The following UPK1A variants were observed in gnomAD, a reference collection of about 807,000 sequenced individuals.
UPK1A encodes uroplakin-1a.
UPK1A carries 31 observed loss-of-function variants against 32.3 expected under a neutral mutation model. The observed-to-expected ratio is 0.96, with a 90% CI of 0.72 to 1.30. UPK1A has a LOEUF of 1.30. Among genes scored for constraint, UPK1A ranks in the 50% most tolerant of loss-of-function variants. The pLI, the probability that UPK1A is intolerant of heterozygous loss-of-function variation, is 0.00. For synonymous variants in UPK1A, 135 were observed against 137.1 expected (o/e 0.98, Z 0.11); for missense variants, 340 against 357.4 (o/e 0.95, Z 0.39).
intron 2 of UPK1A, among the ~76,000 whole-genome samples, chr19:35,667,769 C>T (rs898372387): frequency 8.6e-5 from 13 of 151,842 alleles, no homozygotes; most frequent in Non-Finnish European, 7.4e-5. Context: ...GTTGGGATTA[C>T]AGGTGTAAGC....
intron 3 of UPK1A, 150 bp from the exon 4 acceptor site, chr19:35,673,082 A>C (rs1968126083): frequency 1.5e-6 from 1 of 654,870 alleles, no homozygotes; most frequent in Non-Finnish European, 2.7e-6. Context: ...CAATACAGCG[A>C]ACACCTGAAC....
exon 8 of UPK1A, chr19:35,678,069 C>T: frequency 3.3e-6 from 5 of 1,510,404 alleles, no homozygotes; most frequent in Non-Finnish European, 4.5e-6. Context: ...TCCGCATCCT[C>T]CTCCTGCTTC....
intron 5 of UPK1A, 23 bp downstream of exon 5, chr19:35,673,568 T>C: frequency 1.9e-6 from 3 of 1,608,958 alleles, no homozygotes; most frequent in Non-Finnish European, 2.5e-6. Flanking sequence ...GACCGGGTGC[T>C]GGGAGGGCCC....
exon 6 of UPK1A, chr19:35,675,962 C>A: frequency 6.2e-7 from 1 of 1,613,952 alleles, no homozygotes; most frequent in Non-Finnish European, 8.5e-7. Context: ...CGGGAAACTT[C>A]ATCCCCCTCA....
At position 35,673,214 on chromosome 19, in the gene UPK1A, C is replaced by G; in HGVS notation, c.286-18C>G. 2 of 1,613,730 alleles carry G rather than the reference C, an allele frequency of 1.2e-6. No individual in the cohort carries two copies. Among genetic ancestry groups the G allele is most frequent in the Non-Finnish European group, 1.7e-6 (2 of 1,179,836 alleles). On this transcript the variant is annotated intron_variant, in intron 3 of 7. Transcript: ENST00000617999. Reference sequence around the variant, plus strand: ...CACGGGCTCTGCCCGACGGGCCGTCCTCCCTCTGTCTCCCCAGTACCTGGT... The same window carrying G: ...CACGGGCTCTGCCCGACGGGCCGTCGTCCCTCTGTCTCCCCAGTACCTGGT...
intron 3 of UPK1A, among the ~76,000 whole-genome samples, chr19:35,671,159 C>T (rs185109493): frequency 1.3e-5 from 2 of 151,890 alleles, no homozygotes; most frequent in African/African-American, 4.8e-5. Flanking sequence ...GAGGCCGAGG[C>T]AGGTGGATCA....
intron 6 of UPK1A, among the ~76,000 whole-genome samples, chr19:35,677,252 G>A (rs180882347): frequency 8.6e-5 from 13 of 151,278 alleles, no homozygotes; most frequent in African/African-American, 1.7e-4. Context: ...GGCCGGGCGC[G>A]CACAGTGGCT....
intron 2 of UPK1A, among the ~76,000 whole-genome samples, chr19:35,667,306 T>TTTTTGTTTTGTTTTGTTTTG (rs142423365): frequency 2.0e-5 from 3 of 150,084 alleles, no homozygotes; most frequent in African/African-American, 7.4e-5. Context: ...GGTTTTGTGT[T>TTTTTGTTTTGTTTTGTTTTG]TTTTGTTTTG....
chr19:35,668,319 G>A (rs1968031042), intron 2 of UPK1A, 135 bp from the exon 3 acceptor site: 1 of 1,057,378 alleles, frequency 9.5e-7, no homozygotes, highest in Non-Finnish European at 1.4e-6. Flanking sequence ...CGCTGCTCAT[G>A]GAAGGCGAGG....
In UPK1A at chr19:35,666,912, G is replaced by C. The variant is rs200550573; in HGVS notation, c.84+16G>C. The C allele has an allele frequency of 5.6e-6, 9 of 1,613,856 alleles. No individual in the cohort carries two copies. The East Asian group carries it at 1.8e-4, about 32-fold the overall frequency. On this transcript the variant is annotated intron_variant, in intron 2 of 7. Coordinates refer to ENST00000617999, the Ensembl canonical transcript of UPK1A. The stretch of plus-strand genomic sequence containing the variant: ...CATTATTCTGGTGAGACTCGCCCCA[G>C]TGCTGGGAGCCGAGTGGTTGTGTGG...
exon 8 of UPK1A, chr19:35,678,431 C>T (rs905771951): frequency 6.4e-5 from 11 of 171,876 alleles, no homozygotes; most frequent in Non-Finnish European, 1.1e-4. Flanking sequence ...TCACCCAGCA[C>T]GGGGCTAAGC....
At chr19:35,677,180 T>A (rs573754179) in intron 6 of UPK1A, among the ~76,000 whole-genome samples, 13 of 150,390 alleles carry the variant, frequency 8.6e-5, no homozygotes, top group African/African-American at 2.7e-4. Flanking sequence ...GCTGTGATGG[T>A]GCCACTGCAC....
intron 5 of UPK1A, among the ~76,000 whole-genome samples, chr19:35,674,342 G>A (rs1381372664): frequency 6.7e-6 from 1 of 150,060 alleles, no homozygotes; most frequent in African/African-American, 2.5e-5. Context: ...CGCCTCCCGG[G>A]TTCACGCTAT....
chr19:35,666,927 T>A (rs1401073072), intron 2 of UPK1A, 31 bp downstream of exon 2: 1 of 1,609,898 alleles, frequency 6.2e-7, no homozygotes, highest in African/African-American at 1.3e-5. Flanking sequence ...GGGAGCCGAG[T>A]GGTTGTGTGG....
chr19:35,673,201 C>T (rs1291619115), intron 3 of UPK1A, 31 bp from the exon 4 acceptor site: 2 of 1,611,496 alleles, frequency 1.2e-6, no homozygotes, highest in African/African-American at 1.3e-5. Flanking sequence ...CGGGCTCTGC[C>T]CGACGGGCCG....
Position 35,677,955 on chromosome 19 carries a change from T to A in UPK1A, c.733-20T>A. On this transcript the variant is annotated intron_variant, in intron 7 of 7. Coordinates refer to ENST00000617999, the Ensembl canonical transcript of UPK1A. ...GGGGGTGGGGGGCGGAGTGCCCTCA[T>A]CTCGCTGCCTCCTCGCCAGCTCCCG... The A allele has an allele frequency of 6.3e-7, 1 of 1,590,988 alleles. No individual in the cohort carries two copies. The highest frequency in any genetic ancestry group is 8.5e-7 in the Non-Finnish European group (1 of 1,169,886).
intron 5 of UPK1A, 90 bp from the exon 6 acceptor site, chr19:35,675,750 C>A: frequency 6.8e-7 from 1 of 1,463,342 alleles, no homozygotes; most frequent in Non-Finnish European, 9.1e-7. Context: ...GTGTCAAAGG[C>A]CAATCCTGCC....
chr19:35,669,788 C>T (rs933678325), intron 3 of UPK1A, among the ~76,000 whole-genome samples: 3 of 152,188 alleles, frequency 2.0e-5, no homozygotes, highest in African/African-American at 7.2e-5. Context: ...ACAGCCTCTC[C>T]CAGGTGACCA....
At chr19:35,666,744 C>G in intron 1 of UPK1A, 65 bp from the exon 2 acceptor site, 1 of 1,538,162 alleles carries the variant, frequency 6.5e-7, no homozygotes, top group African/African-American at 1.4e-5. Context: ...CAGGGTGTGG[C>G]TCAGAGATGG....
Sources: gnomAD v4.1 joint callset for allele counts (sites outside exome capture counted in the v4.1 genomes callset) on GRCh38, gnomAD v4.1.1 for gene constraint, MANE v1.5 for transcripts, NCBI Gene and HGNC (gene_info 2026-07-23, HGNC 2026-07-21) for gene names.